Variants in STEEP1 observed in about 807,000 individuals in gnomAD.
STEEP1 encodes the protein STING1 ER exit protein 1.
Under a neutral mutation model 19.2 loss-of-function variants are expected in STEEP1, and 3 were observed. The observed-to-expected ratio is 0.16, with a 90% CI of 0.07 to 0.40. The LOEUF (loss-of-function observed/expected upper bound fraction) is 0.40. STEEP1 is among the 10% of genes least tolerant of loss of function. STEEP1 has a pLI of 0.99. For synonymous variants in STEEP1, 46 were observed against 63.7 expected, an observed-to-expected ratio of 0.72 and a Z score of 1.32; for missense variants, 54 against 177.1, an observed-to-expected ratio of 0.30 and a Z score of 3.94.
intron 2 of STEEP1, among the ~76,000 whole-genome samples, chrX:119,549,700 G>A (rs910490394): frequency 6.2e-5 from 7 of 112,101 alleles, no homozygotes; most frequent in Non-Finnish European, 1.3e-4. Flanking sequence ...ATCATAACAC[G>A]GCAGAAGGGC....
intron 4 of STEEP1, among the ~76,000 whole-genome samples, chrX:119,543,301 C>T (rs1341448872): frequency 9.1e-6 from 1 of 110,486 alleles, no homozygotes; most frequent in Non-Finnish European, 1.9e-5. Context: ...GATTCTCCTG[C>T]CTCAGCCTCC....
chrX:119,543,375 C>T (rs1369297436), intron 4 of STEEP1, among the ~76,000 whole-genome samples: 1 of 108,154 alleles, frequency 9.2e-6, no homozygotes, highest in Non-Finnish European at 1.9e-5. Flanking sequence ...TTAGTAGAGA[C>T]GGGGTTTCTC....
rs2053150033 is a variant in STEEP1, at chrX:119,539,659, A to T, written c.*68T>A. 1 of 861,704 alleles carries T rather than the reference A, an allele frequency of 1.2e-6. No individual in the cohort carries two copies. Among genetic ancestry groups the T allele is most frequent in the South Asian group, 2.2e-5 (1 of 46,452 alleles). 71.0% of individuals were successfully genotyped at this position (861,704 alleles called of 1,213,427 possible). On this transcript the variant is annotated 3_prime_UTR_variant, in exon 7 of 7. Transcript: ENST00000644802. ...GCATAAATAGGAATCCGTCTATGTA[A>T]TCAAGAAATTACTTTGCCTCCTGAT...
Position 119,542,168 on chromosome X carries a change from G to A in STEEP1, c.513+337C>T, listed in dbSNP as rs972391429. On this transcript the variant is annotated intron_variant, in intron 5 of 6. Transcript: ENST00000644802. ...TGAAGCCTCCACCTCCCGGGTTCAA[G>A]CGATTCTCATGCCTCAGCCTCCCGA... Among the ~76,000 whole-genome samples the A allele has an allele frequency of 4.4e-4, 46 of 105,590 alleles. 1 individual carries two copies. The highest frequency in any genetic ancestry group is 1.5e-3 in the African/African-American group (45 of 29,037). 91.7% of individuals were successfully genotyped at this position (105,590 alleles called of 115,157 possible).
intron 1 of STEEP1, among the ~76,000 whole-genome samples, chrX:119,561,233 C>T (rs947902255): frequency 1.8e-5 from 2 of 108,377 alleles, no homozygotes; most frequent in African/African-American, 6.8e-5. Context: ...AGCGAGACTC[C>T]GTCAAAAAAC....
intron 1 of STEEP1, among the ~76,000 whole-genome samples, chrX:119,562,407 C>T (rs1158209786): frequency 9.0e-6 from 1 of 110,879 alleles, no homozygotes; most frequent in Admixed American, 9.7e-5. Flanking sequence ...GTGGTGCATG[C>T]CTGTAATCCC....
intron 5 of STEEP1, 53 bp from the exon 6 acceptor site, chrX:119,541,473 A>AC: frequency 2.0e-5 from 14 of 710,327 alleles, no homozygotes; most frequent in Non-Finnish European, 3.2e-5. Context: ...AGGAATAACA[A>AC]CAAAGACGTT....
At chrX:119,561,462 T>C (rs923381853) in intron 1 of STEEP1, among the ~76,000 whole-genome samples, 4 of 110,493 alleles carry the variant, frequency 3.6e-5, no homozygotes, top group Non-Finnish European at 7.6e-5. Context: ...AGGTCAGAAG[T>C]TCGAGACCAG....
intron 2 of STEEP1, among the ~76,000 whole-genome samples, chrX:119,552,669 G>C (rs1167879158): frequency 2.7e-5 from 3 of 111,945 alleles, no homozygotes; most frequent in Non-Finnish European, 5.6e-5. Context: ...ATGTAGAAAT[G>C]TGATTGGACA....
At chrX:119,552,439 A>C (rs1038564918) in intron 2 of STEEP1, among the ~76,000 whole-genome samples, 3 of 112,536 alleles carry the variant, frequency 2.7e-5, no homozygotes, top group African/African-American at 9.7e-5. Flanking sequence ...AACTCAGGGA[A>C]ATAGTTAATG....
At position 119,560,357 on chromosome X, in the gene STEEP1, C is replaced by T; in HGVS notation, c.153G>A (p.Arg51=). 13 of 1,207,676 alleles carry T rather than the reference C, an allele frequency of 1.1e-5. No individual in the cohort carries two copies. Among genetic ancestry groups the T allele is most frequent in the Non-Finnish European group, 1.5e-5 (13 of 891,771 alleles). ...LDCQLEKLPM[R]PRDRSRVIDA... ...CAATCACACGGGACCGGTCCCGGGG[C>T]CTCATGGGCAATTTCTCTAACTGGC... The change falls in exon 2 of 7, where the codon AGG becomes AGA. Residue 51 remains arginine, a synonymous_variant. Transcript: ENST00000644802.
chrX:119,555,400 G>A (rs996700773), intron 2 of STEEP1, among the ~76,000 whole-genome samples: 1 of 110,849 alleles, frequency 9.0e-6, no homozygotes, highest in East Asian at 2.8e-4. Context: ...GGAGGAAGGA[G>A]GAGTCCTTAA....
At chrX:119,556,125 G>A (rs761769083) in intron 2 of STEEP1, among the ~76,000 whole-genome samples, 33 of 111,251 alleles carry the variant, frequency 3.0e-4, no homozygotes, top group Admixed American at 1.5e-3. Flanking sequence ...TTCCCAAGAA[G>A]CAGGATGGAA....
At chrX:119,552,507 G>A (rs1216157831) in intron 2 of STEEP1, among the ~76,000 whole-genome samples, 1 of 112,470 alleles carries the variant, frequency 8.9e-6, no homozygotes, top group Admixed American at 9.4e-5. Context: ...TGCACAGGGT[G>A]AGCTAAGGGG....
At chrX:119,564,508 G>GC (rs2053344310) in intron 1 of STEEP1, among the ~76,000 whole-genome samples, 1 of 98,705 alleles carries the variant, frequency 1.0e-5, no homozygotes, top group Non-Finnish European at 2.0e-5. Context: ...AAAAAAGGGG[G>GC]GGGGGAAATA....
At position 119,542,671 on chromosome X, in the gene STEEP1, C is replaced by A. The variant is rs1295459736; in HGVS notation, c.424-77G>T. ...TGAGCCGTGAGTGTGTGCGCACACG[C>A]CTGTGTGAGGGGCTGTGGGTATTGG... is the stretch of plus-strand genomic sequence containing the variant. On this transcript the variant is annotated intron_variant, in intron 4 of 6. Transcript: ENST00000644802. 1.0e-5 allele frequency: 7 copies of A among 670,662 alleles called. No individual in the cohort carries two copies. In the Middle Eastern group the frequency reaches 1.2e-3, roughly 116 times the overall value. The allele number at this position is 670,662 out of a possible 1,213,427, so 55.3% of individuals were successfully genotyped here.
chrX:119,543,959 A>G (rs990709586), intron 4 of STEEP1, among the ~76,000 whole-genome samples: 1 of 112,159 alleles, frequency 8.9e-6, no homozygotes, highest in Admixed American at 9.5e-5. Context: ...GAGAGAACAC[A>G]TAACAGGTGT....
intron 3 of STEEP1, among the ~76,000 whole-genome samples, chrX:119,545,086 G>C (rs2053192091): frequency 9.0e-6 from 1 of 111,199 alleles, no homozygotes; most frequent in African/African-American, 3.3e-5. Context: ...GGACGAGGTG[G>C]CTCAGGCCTG....
intron 2 of STEEP1, among the ~76,000 whole-genome samples, chrX:119,556,935 C>A (rs974285476): frequency 9.2e-6 from 1 of 109,268 alleles, no homozygotes; most frequent in Non-Finnish European, 1.9e-5. Context: ...TTGAGAAGGC[C>A]AAAGAAGGAG....
Sources: gnomAD v4.1 joint callset for allele counts (sites outside exome capture counted in the v4.1 genomes callset) on GRCh38, gnomAD v4.1.1 for gene constraint, MANE v1.5 for transcripts, NCBI Gene and HGNC (gene_info 2026-07-23, HGNC 2026-07-21) for gene names.